ADAMTS18: variants seen among roughly 807,000 people sequenced by gnomAD.
ADAMTS18 encodes ADAM metallopeptidase with thrombospondin type 1 motif 18, also known as A disintegrin and metalloproteinase with thrombospondin motifs 18.
A neutral mutation model predicts 165.9 loss-of-function variants in ADAMTS18; 157 were observed. That is an observed-to-expected ratio of 0.95 (90% CI 0.83 to 1.08). The LOEUF is 1.08. Ranked by LOEUF, ADAMTS18 falls within the 50% of genes least tolerant of loss-of-function variation. ADAMTS18 has a pLI of 0.00. For synonymous variants in ADAMTS18, 782 were observed against 578.2 expected, an observed-to-expected ratio of 1.35 and a Z score of -5.06; for missense variants, 2,040 against 1,534.0, an observed-to-expected ratio of 1.33 and a Z score of -5.51.
intron 3 of ADAMTS18, among the ~76,000 whole-genome samples, chr16:77,407,197 T>C (rs371891394): frequency 9.9e-5 from 15 of 152,112 alleles, no homozygotes; most frequent in African/African-American, 3.6e-4. Context: ...TTTATACCTA[T>C]CTGTAGCAGA....
chr16:77,396,236 T>C (rs1447784648), intron 3 of ADAMTS18, among the ~76,000 whole-genome samples: 2 of 152,234 alleles, frequency 1.3e-5, no homozygotes, highest in Non-Finnish European at 2.9e-5. Flanking sequence ...TCCAGTTGGG[T>C]AAATACAACT....
rs1001963967 is a variant in ADAMTS18 at position 77,424,029 on chromosome 16, A to C, written c.495+7266T>G. Reference sequence around the variant, plus strand: ...CCACCAAACACCAAGCTAAGCAATCATAAATCTTCACAATCTTATGAGAGA... The same window carrying C: ...CCACCAAACACCAAGCTAAGCAATCCTAAATCTTCACAATCTTATGAGAGA... On this transcript the variant is annotated intron_variant, in intron 3 of 22. Coordinates refer to ENST00000282849, the MANE Select transcript of ADAMTS18 (RefSeq NM_199355.4). Among the ~76,000 whole-genome samples the C allele has an allele frequency of 4.6e-5, 7 of 152,228 alleles. No individual in the cohort carries two copies. The South Asian group carries it at 1.4e-3, about 32-fold the overall frequency.
rs1215100778 is a variant in ADAMTS18 at position 77,378,242 on chromosome 16, A to G, written c.496-10519T>C. Among the ~76,000 whole-genome samples the G allele has an allele frequency of 2.0e-5, 3 of 152,116 alleles. No homozygotes were observed. In the East Asian group the frequency reaches 5.8e-4, roughly 29 times the overall value. On this transcript the variant is annotated intron_variant, in intron 3 of 22. Transcript: ENST00000282849. Reference sequence around the variant, plus strand: ...CAGGAGATTGAGGTAGGAGAATTGCATTAACCTAAGAGGTTGAGGCTGCAG... The same window carrying G: ...CAGGAGATTGAGGTAGGAGAATTGCGTTAACCTAAGAGGTTGAGGCTGCAG...
intron 10 of ADAMTS18, among the ~76,000 whole-genome samples, chr16:77,351,953 C>G (rs2056562600): frequency 6.6e-6 from 1 of 152,084 alleles, no homozygotes; most frequent in East Asian, 1.9e-4. Flanking sequence ...AGGTTGTTCT[C>G]AAACTGCTGG....
At chr16:77,349,199 CA>C (rs2056519717) in intron 10 of ADAMTS18, among the ~76,000 whole-genome samples, 1 of 152,080 alleles carries the variant, frequency 6.6e-6, no homozygotes, top group South Asian at 2.1e-4. Flanking sequence ...ACCCCAAACT[CA>C]TTAAGCCAAA....
chr16:77,400,966 A>C (rs760405103), intron 3 of ADAMTS18, among the ~76,000 whole-genome samples: 1 of 152,052 alleles, frequency 6.6e-6, no homozygotes, highest in Non-Finnish European at 1.5e-5. Context: ...TTTTGAAAGA[A>C]ACCAAATTGC....
Position 77,298,282 on chromosome 16 carries a change from C to T in ADAMTS18, c.2675-867G>A, listed in dbSNP as rs561846689. Among the ~76,000 whole-genome samples the T allele has an allele frequency of 4.6e-5, 7 of 152,222 alleles. No homozygotes were observed. The East Asian group carries it at 1.2e-3, about 25-fold the overall frequency. ...CAACATTAATTTCAGGACTTCTTAT[C>T]AGGGGCATATATTTTTTTAAAAATG... On this transcript the variant is annotated intron_variant, in intron 17 of 22. Transcript: ENST00000282849.
intron 13 of ADAMTS18, 142 bp from the exon 14 acceptor site, chr16:77,322,608 C>T: frequency 9.7e-7 from 1 of 1,029,534 alleles, no homozygotes; most frequent in East Asian, 2.6e-5. Flanking sequence ...CATATAAGCC[C>T]ATATGATGTG....
chr16:77,405,122 GA>G (rs1567544873), intron 3 of ADAMTS18, among the ~76,000 whole-genome samples: 1 of 152,196 alleles, frequency 6.6e-6, no homozygotes, highest in East Asian at 1.9e-4. Context: ...CATTTGTCTT[GA>G]AGCAGCACTT....
At chr16:77,284,239 C>A (rs1425480401) in intron 22 of ADAMTS18, among the ~76,000 whole-genome samples, 168 bp from the exon 23 acceptor site, 1 of 151,524 alleles carries the variant, frequency 6.6e-6, no homozygotes, top group Non-Finnish European at 1.5e-5. Context: ...GATTCTCCTG[C>A]CTAAGCTTCC....
At chr16:77,296,059 T>G (rs1267382865) in intron 18 of ADAMTS18, among the ~76,000 whole-genome samples, 1 of 152,018 alleles carries the variant, frequency 6.6e-6, no homozygotes, top group Non-Finnish European at 1.5e-5. Flanking sequence ...TCTTTATATA[T>G]AAAGATTGTG....
chr16:77,411,753 C>T, intron 3 of ADAMTS18, among the ~76,000 whole-genome samples: 1 of 129,922 alleles, frequency 7.7e-6, no homozygotes, highest in Middle Eastern at 5.7e-3. Context: ...GTGGCGCAAT[C>T]TTGGCTCACT....
intron 3 of ADAMTS18, among the ~76,000 whole-genome samples, chr16:77,377,232 AG>A (rs2056966838): frequency 1.3e-5 from 2 of 152,352 alleles, no homozygotes; most frequent in Middle Eastern, 3.4e-3. Context: ...ATTCCATCAC[AG>A]GCTTTAGATT....
chr16:77,375,815 G>A (rs1019867396), intron 3 of ADAMTS18, among the ~76,000 whole-genome samples: 1 of 152,048 alleles, frequency 6.6e-6, no homozygotes, highest in African/African-American at 2.4e-5. Flanking sequence ...AGCATGACTG[G>A]AAGCCTCAGG....
intron 10 of ADAMTS18, among the ~76,000 whole-genome samples, chr16:77,351,923 A>C (rs542802161): frequency 6.6e-6 from 1 of 152,134 alleles, no homozygotes; most frequent in East Asian, 1.9e-4. Context: ...TTGTAAAGAG[A>C]GGGTCTAACT....
intron 10 of ADAMTS18, among the ~76,000 whole-genome samples, chr16:77,350,961 G>T (rs1348201584): frequency 6.6e-6 from 1 of 152,128 alleles, no homozygotes; most frequent in Non-Finnish European, 1.5e-5. Context: ...GAGGGGAAAA[G>T]ATTAGAAAGT....
chr16:77,320,136 A>G (rs2055968792), intron 15 of ADAMTS18, 43 bp from the exon 16 acceptor site: 6 of 1,613,022 alleles, frequency 3.7e-6, no homozygotes, highest in South Asian at 3.3e-5. Context: ...CACCCCATGC[A>G]TTGGAGAAAA....
chr16:77,395,452 G>T (rs1051012123), intron 3 of ADAMTS18, among the ~76,000 whole-genome samples: 1 of 152,090 alleles, frequency 6.6e-6, no homozygotes. Flanking sequence ...CCCTCCACTG[G>T]GGCTGCTGGT....
chr16:77,385,645 G>A (rs2057096130), intron 3 of ADAMTS18, among the ~76,000 whole-genome samples: 1 of 152,214 alleles, frequency 6.6e-6, no homozygotes, highest in African/African-American at 2.4e-5. Context: ...GGAGCTGGAA[G>A]TCTAGGAATC....
Sources: allele counts gnomAD v4.1 joint callset (sites outside exome capture counted in the v4.1 genomes callset), GRCh38; gene constraint gnomAD v4.1.1; transcripts MANE v1.5; gene names NCBI Gene and HGNC (gene_info 2026-07-23, HGNC 2026-07-21).